Variants in FRAS1 observed in about 807,000 individuals in gnomAD.
The protein encoded by FRAS1 is Fraser extracellular matrix complex subunit 1, also known as extracellular matrix organizing protein FRAS1.
In FRAS1, 290 loss-of-function variants were observed where a neutral mutation model predicts 435.2. The ratio of observed to expected loss-of-function variants is 0.67; its 90% CI spans 0.61 to 0.73. FRAS1 has a LOEUF of 0.73. Ranked by LOEUF, FRAS1 falls within the 30% of genes least tolerant of loss-of-function variation. FRAS1 has a pLI of 0.00. For missense variants in FRAS1, 4,860 were observed against 5,001.5 expected, an observed-to-expected ratio of 0.97 and a Z score of 0.85; for synonymous variants, 1,800 against 1,851.0, an observed-to-expected ratio of 0.97 and a Z score of 0.71.
rs751308534 is a variant in FRAS1, at chr4:78,057,994, G to C, written c.-16G>C. 3 of 1,613,350 alleles carry C rather than the reference G, an allele frequency of 1.9e-6. No homozygotes were observed. The South Asian group carries it at 3.3e-5, about 18-fold the overall frequency. ...GCTGAAGGCTGGGCTCCTCCATCGT[G>C]GGTGCCGAGGCGGCGATGGGTGTCC... On this transcript the variant is annotated 5_prime_UTR_variant, in exon 1 of 74. Transcript: ENST00000512123. The surrounding 1 kb of genome is among the most constrained non-coding windows in gnomAD (Gnocchi z 4.2).
At chr4:78,080,028 C>G (rs1417318831) in intron 2 of FRAS1, among the ~76,000 whole-genome samples, 1 of 152,096 alleles carries the variant, frequency 6.6e-6, no homozygotes, top group African/African-American at 2.4e-5. Context: ...AAAGCATCAT[C>G]GGAACCAGGT....
chr4:78,298,872 C>T (rs1728266242), intron 14 of FRAS1, among the ~76,000 whole-genome samples: 1 of 152,140 alleles, frequency 6.6e-6, no homozygotes, highest in African/African-American at 2.4e-5. Flanking sequence ...TTGAATTTCA[C>T]TGAAGACTGA....
chr4:78,405,374 G>A (rs977622346), intron 30 of FRAS1, among the ~76,000 whole-genome samples: 12 of 149,638 alleles, frequency 8.0e-5, no homozygotes, highest in African/African-American at 2.7e-4. Context: ...TCTTAGGAAT[G>A]GAAGTTGAAC....
intron 30 of FRAS1, among the ~76,000 whole-genome samples, chr4:78,403,394 G>A (rs754842503): frequency 1.9e-4 from 29 of 152,084 alleles, no homozygotes; most frequent in Admixed American, 2.6e-4. Flanking sequence ...TGATCTTTCC[G>A]TGTATCCAGA....
chr4:78,150,594 T>C (rs1578153920), intron 2 of FRAS1, among the ~76,000 whole-genome samples: 2 of 152,314 alleles, frequency 1.3e-5, no homozygotes, highest in East Asian at 3.9e-4. Context: ...TGCTTTTACT[T>C]TACTAAATCA....
rs1739774279 is a variant in FRAS1, at chr4:78,061,846, CATT to C, written c.76+3763_76+3765del. Among the ~76,000 whole-genome samples the C allele has an allele frequency of 1.1e-4, 16 of 152,252 alleles. No homozygotes were observed. In the South Asian group the frequency reaches 3.3e-3, roughly 32 times the overall value. On this transcript the variant is annotated intron_variant, in intron 1 of 73. Coordinates refer to ENST00000512123, the MANE Select transcript of FRAS1 (RefSeq NM_025074.7). ...TCAAGGAGTTTGCATATCTAGAAATCATTAATGTCAGTTGAATAGCAGTAGGGA... is the reference window on the plus strand; with the variant it reads ...TCAAGGAGTTTGCATATCTAGAAATCAATGTCAGTTGAATAGCAGTAGGGA...
intron 22 of FRAS1, among the ~76,000 whole-genome samples, chr4:78,365,746 A>C (rs932141950): frequency 9.6e-6 from 1 of 104,462 alleles, no homozygotes; most frequent in Non-Finnish European, 1.9e-5. Context: ...TTAAAAAAAA[A>C]AAAACAAAAA....
chr4:78,445,740 G>A (rs1718799062), intron 42 of FRAS1, 28 bp downstream of exon 42: 3 of 1,613,410 alleles, frequency 1.9e-6, no homozygotes, highest in Admixed American at 1.7e-5. Flanking sequence ...TGGAAAGGTT[G>A]AGCCCTTGAC....
intron 2 of FRAS1, among the ~76,000 whole-genome samples, chr4:78,130,205 G>T (rs930686078): frequency 6.6e-6 from 1 of 151,972 alleles, no homozygotes; most frequent in Non-Finnish European, 1.5e-5. Context: ...CATACCTTCC[G>T]GTTTTAAGCT....
At chr4:78,443,171 A>G (rs1042954403) in intron 41 of FRAS1, among the ~76,000 whole-genome samples, 11 of 152,186 alleles carry the variant, frequency 7.2e-5, no homozygotes, top group African/African-American at 2.7e-4. Context: ...CAACATAGCA[A>G]GACCTTGTCT....
Position 78,222,563 on chromosome 4 carries a change from G to A in FRAS1, c.109-14947G>A, listed in dbSNP as rs1724101499. On this transcript the variant is annotated intron_variant, in intron 2 of 73. Coordinates refer to ENST00000512123, the MANE Select transcript of FRAS1 (RefSeq NM_025074.7). ...AAGTCCCAGCTAGACCTGGCAGTGA[G>A]TAAGTTCAGGGGTGGCAATTTAATT... is the stretch of plus-strand genomic sequence containing the variant. Among the ~76,000 whole-genome samples the A allele has an allele frequency of 2.0e-5, 3 of 152,342 alleles. No individual in the cohort carries two copies. In the South Asian group the frequency reaches 6.2e-4, roughly 32 times the overall value.
At chr4:78,129,698 G>T (rs17002949) in intron 2 of FRAS1, among the ~76,000 whole-genome samples, 1 of 152,110 alleles carries the variant, frequency 6.6e-6, no homozygotes, top group Non-Finnish European at 1.5e-5. Flanking sequence ...GCAATCAAGG[G>T]TATTTTCAAC....
At position 78,369,932 on chromosome 4, in the gene FRAS1, C is replaced by T. The variant is rs1237930983; in HGVS notation, c.2817C>T (p.Tyr939=). 14 of 1,613,670 alleles carry T rather than the reference C, an allele frequency of 8.7e-6. No homozygotes were observed. Among genetic ancestry groups the T allele is most frequent in the African/African-American group, 2.7e-5 (2 of 74,924 alleles). ...NKVLLFGECQ[Y]ESCAPQYYLD... ...TTCTGCTCTTTGGGGAATGTCAATA[C>T]GAGAGCTGCGCCCCACAGTACTATC... The change falls in exon 23 of 74, where the codon TAC becomes TAT. Residue 939 remains tyrosine (Y), a synonymous_variant. Transcript: ENST00000512123.
chr4:78,193,468 A>T (rs1422044675), intron 2 of FRAS1, among the ~76,000 whole-genome samples: 1 of 152,126 alleles, frequency 6.6e-6, no homozygotes, highest in Non-Finnish European at 1.5e-5. Context: ...TATTGGGTTC[A>T]TATATATTTA....
chr4:78,244,122 G>A (rs1725130762), intron 3 of FRAS1, among the ~76,000 whole-genome samples: 2 of 152,068 alleles, frequency 1.3e-5, no homozygotes, highest in Admixed American at 1.3e-4. Flanking sequence ...TATCTGTTTA[G>A]TGGGTTAATG....
intron 2 of FRAS1, among the ~76,000 whole-genome samples, chr4:78,069,822 G>C (rs1159271858): frequency 6.6e-6 from 1 of 151,008 alleles, no homozygotes; most frequent in Non-Finnish European, 1.5e-5. Flanking sequence ...TACAGATAAG[G>C]AAGTTGAGGC....
intron 20 of FRAS1, among the ~76,000 whole-genome samples, chr4:78,361,042 G>C (rs184626671): frequency 6.6e-6 from 1 of 152,228 alleles, no homozygotes; most frequent in East Asian, 1.9e-4. Flanking sequence ...CTTTAAAGAG[G>C]ATAGGCCATG....
intron 29 of FRAS1, among the ~76,000 whole-genome samples, chr4:78,398,549 A>G (rs1732762016): frequency 6.6e-6 from 1 of 152,216 alleles, no homozygotes; most frequent in South Asian, 2.1e-4. Context: ...ACATGCATTC[A>G]TGTCACACTG....
chr4:78,427,511 A>G (rs541414240), intron 35 of FRAS1, among the ~76,000 whole-genome samples: 1 of 152,366 alleles, frequency 6.6e-6, no homozygotes, highest in South Asian at 2.1e-4. Context: ...CTTATCTTAG[A>G]TTACAGAGAC....
Sources: gnomAD v4.1 joint callset for allele counts (sites outside exome capture counted in the v4.1 genomes callset) on GRCh38, gnomAD v4.1.1 for gene constraint, Gnocchi (gnomAD v3.1) non-coding constraint, MANE v1.5 for transcripts, NCBI Gene and HGNC (gene_info 2026-07-23, HGNC 2026-07-21) for gene names.